NEK6: variants seen among roughly 807,000 people sequenced by gnomAD.
The protein encoded by NEK6 is NIMA related kinase 6.
In NEK6, 27 loss-of-function variants were observed where a neutral mutation model predicts 43.5. The observed-to-expected ratio is 0.62, with a 90% CI of 0.46 to 0.86. NEK6 has a LOEUF of 0.86. Ranked by LOEUF, NEK6 falls within the 40% of genes least tolerant of loss-of-function variation. The pLI is 0.00. For missense variants in NEK6, 318 were observed against 414.4 expected (o/e 0.77, Z 2.02); for synonymous variants, 167 against 164.1 (o/e 1.02, Z -0.14).
At chr9:124,309,505 G>A (rs966518981) in intron 2 of NEK6, among the ~76,000 whole-genome samples, 8 of 152,176 alleles carry the variant, frequency 5.3e-5, no homozygotes, top group African/African-American at 1.9e-4. Flanking sequence ...GGAAACTGAG[G>A]CCCAAGAGGG....
At chr9:124,287,193 T>C (rs1832204032) in intron 1 of NEK6, among the ~76,000 whole-genome samples, 1 of 152,130 alleles carries the variant, frequency 6.6e-6, no homozygotes, top group Non-Finnish European at 1.5e-5. Flanking sequence ...CAGGAGGTCA[T>C]GGAGACAAGA....
rs375270617 is a variant in NEK6 at position 124,350,899 on chromosome 9, C to T, written c.894C>T (p.Tyr298=). ...PDPHQRPDIG[Y]VHQVAKQMHI... Reference sequence around the variant, plus strand: ...CCCACCAGAGACCTGACATCGGATACGTGCACCAGGTGGCCAAGCAGATGC... The same window carrying T: ...CCCACCAGAGACCTGACATCGGATATGTGCACCAGGTGGCCAAGCAGATGC... The change falls in exon 10 of 10, where the codon TAC becomes TAT. Residue 298 remains tyrosine (Y), a synonymous_variant. Transcript: ENST00000320246. 2.3e-5 allele frequency: 37 copies of T among 1,611,860 alleles called. No homozygotes were observed. Among genetic ancestry groups the T allele is most frequent in the Admixed American group, 5.0e-5 (3 of 60,010 alleles).
At chr9:124,292,996 G>A in intron 1 of NEK6, 2 of 1,570,422 alleles carry the variant, frequency 1.3e-6, no homozygotes, top group Non-Finnish European at 1.7e-6. Flanking sequence ...GAGGAGCAGA[G>A]CCTGCCAAGG....
At chr9:124,289,237 A>T (rs1335631513) in intron 1 of NEK6, among the ~76,000 whole-genome samples, 8 of 94,448 alleles carry the variant, frequency 8.5e-5, no homozygotes, top group African/African-American at 1.2e-4. Flanking sequence ...ACACACACAC[A>T]CTCCATCTGC....
rs1191825230 is a variant in NEK6, at chr9:124,323,793, G to A, written c.405+2224G>A. Among the ~76,000 whole-genome samples the A allele has an allele frequency of 4.6e-5, 7 of 152,146 alleles. No homozygotes were observed. In the East Asian group the frequency reaches 1.2e-3, roughly 25 times the overall value. ...CTGAGAGAGAAGAGGAGACATGGGG[G>A]CATTCTATCCAGCATCCCTTCTCTA... On this transcript the variant is annotated intron_variant, in intron 5 of 9. Coordinates refer to ENST00000320246, the MANE Select transcript of NEK6 (RefSeq NM_014397.6).
intron 1 of NEK6, among the ~76,000 whole-genome samples, chr9:124,281,069 T>G (rs1304732003): frequency 4.6e-5 from 7 of 152,214 alleles, no homozygotes; most frequent in Admixed American, 1.3e-4. Flanking sequence ...TTTGTTTTTC[T>G]TGAGAAAGAT....
intron 4 of NEK6, among the ~76,000 whole-genome samples, chr9:124,320,595 A>G (rs558702362): frequency 1.3e-5 from 2 of 152,316 alleles, no homozygotes; most frequent in South Asian, 2.1e-4. Context: ...TCTCTTTGAT[A>G]TAAACAGTCA....
In NEK6 at chr9:124,275,831, G is replaced by A. The variant is rs570725100; in HGVS notation, c.-30+17746G>A. On this transcript the variant is annotated intron_variant, in intron 1 of 9. Transcript: ENST00000320246. The surrounding 1 kb of genome is among the most constrained non-coding windows in gnomAD (Gnocchi z 4.4). ...TGTTCCTCAGGCCTGTGGCCATGGGGACAGCTGAGATGCTGAGACCACTGT... is the reference window on the plus strand; with the variant it reads ...TGTTCCTCAGGCCTGTGGCCATGGGAACAGCTGAGATGCTGAGACCACTGT... Among the ~76,000 whole-genome samples, 4 of 152,350 alleles carry A rather than the reference G, an allele frequency of 2.6e-5. No homozygotes were observed. In the East Asian group the frequency reaches 7.7e-4, roughly 29 times the overall value.
Position 124,313,936 on chromosome 9 carries a change from T to G in NEK6, c.245T>G (p.Met82Arg). The G allele has an allele frequency of 6.2e-7, 1 of 1,614,226 alleles. No homozygotes were observed. Among genetic ancestry groups the G allele is most frequent in the Non-Finnish European group, 8.5e-7 (1 of 1,180,022 alleles). The change falls in exon 4 of 10, where the codon ATG (methionine) becomes AGG (arginine). Residue 82 changes from methionine to arginine, a missense_variant. Coordinates refer to ENST00000320246, the MANE Select transcript of NEK6 (RefSeq NM_014397.6). ...CTCCCGCCCAAGATCTTTGAGATGA[T>G]GGACGCCAAGGCGAGGCAGGACTGT... ...ALKKVQIFEM[M>R]DAKARQDCVK...
intron 8 of NEK6, 80 bp downstream of exon 8, chr9:124,339,745 C>T: frequency 9.6e-7 from 1 of 1,045,478 alleles, no homozygotes; most frequent in Non-Finnish European, 1.5e-6. Context: ...CTCACCCTAC[C>T]AGCTCAGGGT....
intron 1 of NEK6, among the ~76,000 whole-genome samples, chr9:124,281,501 T>C (rs973374260): frequency 4.1e-4 from 58 of 141,626 alleles, no homozygotes; most frequent in South Asian, 1.7e-3. Flanking sequence ...TTTTTTTTTT[T>C]TTTTTTTTTT....
chr9:124,269,716 G>A (rs754619074), intron 1 of NEK6, among the ~76,000 whole-genome samples: 4 of 152,184 alleles, frequency 2.6e-5, no homozygotes, highest in Non-Finnish European at 5.9e-5. Flanking sequence ...GCAGGGAGTC[G>A]TGTGGAAGGG....
rs181221378 is a variant in NEK6, at chr9:124,309,686, G to A, written c.91-2823G>A. On this transcript the variant is annotated intron_variant, in intron 2 of 9. Transcript: ENST00000320246. Reference sequence around the variant, plus strand: ...AGCTGGAAACTAGCACATAGTAGGCGTCTAACGTACAACACCTCATGGTTA... The same window carrying A: ...AGCTGGAAACTAGCACATAGTAGGCATCTAACGTACAACACCTCATGGTTA... Among the ~76,000 whole-genome samples, 7 of 152,354 alleles carry A rather than the reference G, an allele frequency of 4.6e-5. No individual in the cohort carries two copies. The East Asian group carries it at 5.8e-4, about 13-fold the overall frequency.
At position 124,339,557 on chromosome 9, in the gene NEK6, T is replaced by A. The variant is rs777201974; in HGVS notation, c.623-14T>A. On this transcript the variant is annotated splice_polypyrimidine_tract_variant and intron_variant, in intron 7 of 9. Coordinates refer to ENST00000320246, the MANE Select transcript of NEK6 (RefSeq NM_014397.6). Reference sequence around the variant, plus strand: ...CATGGAGCATAAGCAGCCCCGCCCCTTGCTGTGTTGCAGTGGGGACGCCCT... The same window carrying A: ...CATGGAGCATAAGCAGCCCCGCCCCATGCTGTGTTGCAGTGGGGACGCCCT... 5.0e-6 allele frequency: 8 copies of A among 1,599,120 alleles called. No homozygotes were observed. The highest frequency in any genetic ancestry group is 6.9e-6 in the Non-Finnish European group (8 of 1,166,500).
intron 4 of NEK6, among the ~76,000 whole-genome samples, chr9:124,320,995 A>T (rs976881984): frequency 2.6e-5 from 4 of 152,160 alleles, no homozygotes; most frequent in African/African-American, 4.8e-5. Context: ...AGTGGGAAGG[A>T]TGAAGGCAGG....
chr9:124,299,624 C>T (rs1275252122), intron 1 of NEK6, among the ~76,000 whole-genome samples: 2 of 152,034 alleles, frequency 1.3e-5, no homozygotes, highest in African/African-American at 2.4e-5. Context: ...GAGCACTGAG[C>T]GCTGGGAGAC....
In NEK6 at chr9:124,346,126, G is replaced by T. The variant is rs556723708; in HGVS notation, c.718-1583G>T. Among the ~76,000 whole-genome samples, 6 of 152,320 alleles carry T rather than the reference G, an allele frequency of 3.9e-5. No homozygotes were observed. The South Asian group carries it at 1.2e-3, about 32-fold the overall frequency. On this transcript the variant is annotated intron_variant, in intron 8 of 9. Coordinates refer to ENST00000320246, the MANE Select transcript of NEK6 (RefSeq NM_014397.6). ...TGATGCTGTCCCTAAACACCCACCT[G>T]AAGGCACTTGGCCTGGCCTGGGCTC...
intron 8 of NEK6, among the ~76,000 whole-genome samples, chr9:124,342,955 C>T (rs1478751375): frequency 1.3e-5 from 2 of 152,186 alleles, no homozygotes; most frequent in Admixed American, 6.5e-5. Context: ...ACTTGAGAAC[C>T]GGCCCTGTGG....
chr9:124,334,227 C>T (rs1018650566), intron 7 of NEK6, among the ~76,000 whole-genome samples: 1 of 152,122 alleles, frequency 6.6e-6, no homozygotes, highest in Non-Finnish European at 1.5e-5. Flanking sequence ...GGGCAGGTGG[C>T]TGGCTGGATG....
Sources: allele counts gnomAD v4.1 joint callset (sites outside exome capture counted in the v4.1 genomes callset), GRCh38; gene constraint gnomAD v4.1.1; non-coding constraint Gnocchi (gnomAD v3.1); transcripts MANE v1.5; gene names NCBI Gene and HGNC (gene_info 2026-07-23, HGNC 2026-07-21).